Variants in KLRG1 observed in about 807,000 individuals in gnomAD.
The protein encoded by KLRG1 is killer cell lectin like receptor G1, also known as killer cell lectin-like receptor subfamily G member 1.
In KLRG1, 16 loss-of-function variants were observed where a neutral mutation model predicts 21.8. The observed-to-expected ratio is 0.73, with a 90% CI of 0.50 to 1.11. The LOEUF (loss-of-function observed/expected upper bound fraction) is 1.11, where lower values mean the gene tolerates loss of function less well. KLRG1 is among the 50% of genes most tolerant of loss of function. The pLI, the probability that KLRG1 is intolerant of heterozygous loss-of-function variation, is 0.00. For synonymous variants in KLRG1, 69 were observed against 75.9 expected (o/e 0.91, Z 0.47); for missense variants, 173 against 218.3 (o/e 0.79, Z 1.31).
At chr12:8,951,697 C>T (rs765290713) in intron 1 of KLRG1, among the ~76,000 whole-genome samples, 1 of 152,218 alleles carries the variant, frequency 6.6e-6, no homozygotes, top group African/African-American at 2.4e-5. Flanking sequence ...CTTGGGGATA[C>T]AGCAGAGAAA....
At chr12:9,025,651 A>G in the KLRG1 span, among the ~76,000 whole-genome samples, 1 of 152,162 alleles carries the variant, frequency 6.6e-6, no homozygotes, top group African/African-American at 2.4e-5. Context: ...AAAACCCAAA[A>G]AATATGCATG....
chr12:9,152,426 A>C, the KLRG1 span: 3 of 762,456 alleles, frequency 3.9e-6, no homozygotes, highest in South Asian at 4.7e-5. Flanking sequence ...CTAATATTCT[A>C]CAAAGGTCTG....
At chr12:9,139,848 C>T in the KLRG1 span, among the ~76,000 whole-genome samples, 1 of 129,874 alleles carries the variant, frequency 7.7e-6, no homozygotes, top group African/African-American at 2.5e-5. Flanking sequence ...GGATTCTGAC[C>T]AATTTTTGGT....
upstream of KLRG1, among the ~76,000 whole-genome samples, chr12:8,985,215 C>T (rs1202110666): frequency 6.6e-6 from 1 of 150,708 alleles, no homozygotes; most frequent in African/African-American, 2.4e-5. Flanking sequence ...GAGTATTGGT[C>T]AGATATTTAG....
chr12:9,058,506 G>T, the KLRG1 span: 2 of 150,994 alleles, frequency 1.3e-5, no homozygotes. Flanking sequence ...TATGCTCATT[G>T]TAATATAAAC....
the KLRG1 span, chr12:9,192,293 T>C: frequency 6.3e-7 from 1 of 1,591,096 alleles, no homozygotes; most frequent in Non-Finnish European, 8.6e-7. Context: ...TTTCTTGAGC[T>C]GGACACAGTT....
chr12:9,015,501 CA>C (rs1652946431), downstream of KLRG1, among the ~76,000 whole-genome samples: 1 of 152,028 alleles, frequency 6.6e-6, no homozygotes, highest in East Asian at 1.9e-4. Context: ...CTGGAGCACC[CA>C]GATATATAAA....
chr12:8,968,597 T>TATCAGTTAAACTGTTTA (rs1262572523), intron 1 of KLRG1, among the ~76,000 whole-genome samples: 4 of 152,340 alleles, frequency 2.6e-5, no homozygotes, highest in Admixed American at 2.0e-4. Context: ...TTGAACAGCA[T>TATCAGTTAAACTGTTTA]ATCAGTTAAA....
the KLRG1 span, chr12:9,181,151 A>T: frequency 6.2e-7 from 1 of 1,613,906 alleles, no homozygotes; most frequent in Non-Finnish European, 8.5e-7. Context: ...AATGAAGGAA[A>T]CGTCAACCAG....
chr12:8,993,489 T>C (rs1292941681), intron 2 of KLRG1, among the ~76,000 whole-genome samples: 2 of 151,974 alleles, frequency 1.3e-5, no homozygotes, highest in Admixed American at 6.6e-5. Flanking sequence ...GGGGTTTCAC[T>C]ATGTTGGCCA....
chr12:9,075,832 T>A, the KLRG1 span, among the ~76,000 whole-genome samples: 1 of 152,218 alleles, frequency 6.6e-6, no homozygotes, highest in African/African-American at 2.4e-5. Flanking sequence ...GGATTTATTT[T>A]TCCCATGTCG....
chr12:9,001,785 C>G (rs1338832489), intron 3 of KLRG1, among the ~76,000 whole-genome samples: 1 of 152,158 alleles, frequency 6.6e-6, no homozygotes, highest in African/African-American at 2.4e-5. Flanking sequence ...CCTGTCGCTG[C>G]TTTTGGGATG....
At chr12:9,200,312 C>A in the KLRG1 span, 1,001,812 of 1,280,880 alleles carry the variant, frequency 0.78, 393,085 homozygotes, top group East Asian at 0.89. Context: ...CTACATAATC[C>A]CTCAAAATTG....
At chr12:9,128,084 A>G in the KLRG1 span, 2 of 204,168 alleles carry the variant, frequency 9.8e-6, no homozygotes, top group Non-Finnish European at 2.1e-5. Context: ...GACCCCGGCC[A>G]GGGCTGACCT....
At chr12:9,135,631 AT>A in the KLRG1 span, 1 of 226,322 alleles carries the variant, frequency 4.4e-6, no homozygotes, top group Non-Finnish European at 8.6e-6. Context: ...GATAAATTTG[AT>A]TTTGGCTTTG....
the KLRG1 span, chr12:9,090,411 G>A: frequency 6.2e-7 from 1 of 1,614,028 alleles, no homozygotes. Flanking sequence ...TTGCACAGAT[G>A]CAGTGAGGCG....
the KLRG1 span, chr12:9,113,267 AC>A: frequency 7.2e-7 from 1 of 1,390,368 alleles, no homozygotes; most frequent in Non-Finnish European, 9.8e-7. Context: ...TGCAGTTCTT[AC>A]CAACCTCCCA....
At chr12:9,202,416 G>A in the KLRG1 span, 10 of 1,613,682 alleles carry the variant, frequency 6.2e-6, no homozygotes, top group Non-Finnish European at 5.1e-6. Flanking sequence ...GATAAAGCAG[G>A]TAATTTGGGT....
the KLRG1 span, among the ~76,000 whole-genome samples, chr12:9,087,188 T>A: frequency 2.6e-5 from 4 of 152,234 alleles, no homozygotes; most frequent in East Asian, 7.7e-4. Flanking sequence ...TGTTAAAATG[T>A]CCACACTACC....
Sources: allele counts gnomAD v4.1 joint callset (sites outside exome capture counted in the v4.1 genomes callset), GRCh38; gene constraint gnomAD v4.1.1; transcripts MANE v1.5; gene names NCBI Gene and HGNC (gene_info 2026-07-23, HGNC 2026-07-21).